VEPH1: variants seen among roughly 807,000 people sequenced by gnomAD.
VEPH1 encodes ventricular zone-expressed PH domain-containing protein homolog 1.
Under a neutral mutation model 85.2 loss-of-function variants are expected in VEPH1, and 80 were observed. That is an observed-to-expected ratio of 0.94 (90% CI 0.78 to 1.13). VEPH1 has a LOEUF of 1.13. Among genes scored for constraint, VEPH1 ranks in the 50% most tolerant of loss-of-function variants. The pLI is 0.00. For missense variants in VEPH1, 955 were observed against 980.5 expected (o/e 0.97, Z 0.35); for synonymous variants, 297 against 348.0 (o/e 0.85, Z 1.63).
Position 157,292,937 on chromosome 3 carries a change from C to G in VEPH1, c.2011-6263G>C, listed in dbSNP as rs1465681279. On this transcript the variant is annotated intron_variant, in intron 11 of 13. Transcript: ENST00000362010. Reference sequence around the variant, plus strand: ...GGCGGAGGTTGCGGTGAGCTGAGATCGCACCATTGCACTCCAGTCTGGGCA... The same window carrying G: ...GGCGGAGGTTGCGGTGAGCTGAGATGGCACCATTGCACTCCAGTCTGGGCA... Among the ~76,000 whole-genome samples, 13 of 147,486 alleles carry G rather than the reference C, an allele frequency of 8.8e-5. 1 individual carries two copies. Among genetic ancestry groups the G allele is most frequent in the South Asian group, 6.4e-4 (3 of 4,682 alleles).
rs77108586 is a variant in VEPH1, at chr3:157,469,843, C to A, written c.354+471G>T. Among the ~76,000 whole-genome samples the A allele has an allele frequency of 7.5e-3, 1,148 of 152,218 alleles. 22 individuals carry two copies. The highest frequency in any genetic ancestry group is 0.068 in the East Asian group (350 of 5,178). Reference sequence around the variant, plus strand: ...AGGAAATAATTAACTGTGGTCAGAACGGGCAAATATCATCATGAAAAATTC... The same window carrying A: ...AGGAAATAATTAACTGTGGTCAGAAAGGGCAAATATCATCATGAAAAATTC... On this transcript the variant is annotated intron_variant, in intron 3 of 13. Transcript: ENST00000362010.
At position 157,364,635 on chromosome 3, in the gene VEPH1, G is replaced by A. The variant is rs1002454782; in HGVS notation, c.1128-123C>T. 3 of 903,980 alleles carry A rather than the reference G, an allele frequency of 3.3e-6. No homozygotes were observed. The African/African-American group carries it at 5.1e-5, about 15-fold the overall frequency. The allele number at this position is 903,980 out of a possible 1,614,324, so 56.0% of individuals were successfully genotyped here. On this transcript the variant is annotated intron_variant, in intron 7 of 13. Transcript: ENST00000362010. ...CTTTGCCTGATAATTTTTTTCATTG[G>A]TCATTTAACAAGTATTTACTGCAGG...
chr3:157,340,344 A>C (rs6441124), intron 9 of VEPH1, among the ~76,000 whole-genome samples: 5 of 152,064 alleles, frequency 3.3e-5, no homozygotes, highest in African/African-American at 1.2e-4. Context: ...CTTTTCCAAC[A>C]GTCTTAGCAA....
intron 9 of VEPH1, among the ~76,000 whole-genome samples, chr3:157,327,510 A>G (rs551305106): frequency 1.7e-4 from 26 of 152,310 alleles, no homozygotes; most frequent in Non-Finnish European, 3.2e-4. Context: ...TGAAAAAGTA[A>G]TCATGGAGAA....
intron 12 of VEPH1, among the ~76,000 whole-genome samples, chr3:157,278,750 G>A (rs897905694): frequency 1.3e-5 from 2 of 152,208 alleles, no homozygotes; most frequent in Admixed American, 1.3e-4. Context: ...GTGATAGATT[G>A]GATGGGGGTG....
rs536089466 is a variant in VEPH1 at position 157,381,203 on chromosome 3, A to G, written c.1080T>C (p.Ala360=). 2.5e-6 allele frequency: 4 copies of G among 1,614,036 alleles called. No homozygotes were observed. In the African/African-American group the frequency reaches 4.0e-5, roughly 16 times the overall value. The part of the protein sequence containing the change: ...FRMSNSFTAI[A]KLLTRQLENT... ...TTTCCAGTTGTCGGGTAAGGAGTTT[A>G]GCAATGGCGGTGAAGCTGTTGCTCA... Residue 360 remains alanine, a synonymous_variant, in exon 7 of 14, where the codon GCT becomes GCC. Transcript: ENST00000362010.
chr3:157,463,063 C>A (rs1047868490), intron 3 of VEPH1, among the ~76,000 whole-genome samples: 5 of 152,158 alleles, frequency 3.3e-5, no homozygotes, highest in African/African-American at 7.2e-5. Flanking sequence ...TCTGAGAGAC[C>A]AGATCCTGGT....
chr3:157,351,280 T>A (rs1724839302), intron 9 of VEPH1, among the ~76,000 whole-genome samples: 2 of 152,088 alleles, frequency 1.3e-5, no homozygotes, highest in South Asian at 4.2e-4. Context: ...ACCCCATTTT[T>A]AATAAAAATA....
chr3:157,392,934 T>G (rs2108930118), intron 6 of VEPH1, among the ~76,000 whole-genome samples: 1 of 152,314 alleles, frequency 6.6e-6, no homozygotes, highest in East Asian at 1.9e-4. Flanking sequence ...CTATTCTATT[T>G]CTCAGGCTCC....
At chr3:157,262,211 G>A (rs930974966) in intron 13 of VEPH1, among the ~76,000 whole-genome samples, 2 of 152,058 alleles carry the variant, frequency 1.3e-5, no homozygotes, top group African/African-American at 2.4e-5. Flanking sequence ...AAACAAAAAA[G>A]CAATTCCAAC....
chr3:157,345,483 T>C (rs916665231), intron 9 of VEPH1, among the ~76,000 whole-genome samples: 13 of 152,066 alleles, frequency 8.5e-5, no homozygotes, highest in African/African-American at 3.1e-4. Flanking sequence ...CAATGAGATA[T>C]CATCTCACAC....
intron 6 of VEPH1, among the ~76,000 whole-genome samples, chr3:157,388,945 A>G (rs2108904628): frequency 6.6e-6 from 1 of 152,230 alleles, no homozygotes; most frequent in Middle Eastern, 3.4e-3. Context: ...TTGAGGGATG[A>G]CCATATATAA....
At chr3:157,432,197 C>T (rs896829952) in intron 4 of VEPH1, among the ~76,000 whole-genome samples, 3 of 152,064 alleles carry the variant, frequency 2.0e-5, no homozygotes, top group Non-Finnish European at 4.4e-5. Flanking sequence ...TGGCCATTCA[C>T]ATTCTTTGCC....
chr3:157,336,721 G>C (rs530901748), intron 9 of VEPH1, among the ~76,000 whole-genome samples: 2 of 152,300 alleles, frequency 1.3e-5, no homozygotes, highest in East Asian at 3.9e-4. Context: ...GGTGAATGTG[G>C]AAAAATATAA....
At chr3:157,261,567 A>G (rs1712908894) in intron 13 of VEPH1, among the ~76,000 whole-genome samples, 197 bp from the exon 14 acceptor site, 2 of 152,218 alleles carry the variant, frequency 1.3e-5, no homozygotes, top group Non-Finnish European at 2.9e-5. Context: ...TTAGAGTATC[A>G]TAAGTTGACA....
At chr3:157,386,250 C>A (rs925829035) in intron 6 of VEPH1, among the ~76,000 whole-genome samples, 172 of 38,514 alleles carry the variant, frequency 4.5e-3, no homozygotes, top group Middle Eastern at 0.017. Flanking sequence ...AATGGTTCCA[C>A]AAAAAAAAAA....
chr3:157,310,691 G>C (rs954844960), intron 11 of VEPH1, among the ~76,000 whole-genome samples: 1 of 152,190 alleles, frequency 6.6e-6, no homozygotes, highest in Non-Finnish European at 1.5e-5. Context: ...CAGAATTCCA[G>C]GCTGTTTTCA....
chr3:157,459,748 C>A, intron 4 of VEPH1: 1 of 1,439,410 alleles, frequency 6.9e-7, no homozygotes, highest in South Asian at 1.5e-5. Flanking sequence ...TTTAAGAAGT[C>A]ATTACACATT....
intron 5 of VEPH1, among the ~76,000 whole-genome samples, chr3:157,427,651 C>T (rs1577630140): frequency 6.6e-6 from 1 of 152,092 alleles, no homozygotes; most frequent in East Asian, 1.9e-4. Flanking sequence ...GACAGAGTTT[C>T]ACCATGTTGT....
Sources: allele counts gnomAD v4.1 joint callset (sites outside exome capture counted in the v4.1 genomes callset), GRCh38; gene constraint gnomAD v4.1.1; transcripts MANE v1.5; gene names NCBI Gene and HGNC (gene_info 2026-07-23, HGNC 2026-07-21).